Variants in ACSF3 observed in about 807,000 individuals in gnomAD.
ACSF3 encodes the protein acyl-CoA synthetase family member 3, also known as malonate--CoA ligase ACSF3, mitochondrial.
In ACSF3, 78 loss-of-function variants were observed where a neutral mutation model predicts 53.2. The ratio of observed to expected loss-of-function variants is 1.47; its 90% CI spans 1.22 to 1.77. The LOEUF (loss-of-function observed/expected upper bound fraction) is 1.77. Among genes scored for constraint, ACSF3 ranks in the 40% most tolerant of loss-of-function variants. ACSF3 has a pLI of 0.00. For synonymous variants in ACSF3, 414 were observed against 333.1 expected, an observed-to-expected ratio of 1.24 and a Z score of -2.65; for missense variants, 937 against 771.1, an observed-to-expected ratio of 1.22 and a Z score of -2.55.
chr16:89,123,640 TC>T (rs1319447761), intron 7 of ACSF3, among the ~76,000 whole-genome samples: 69 of 152,344 alleles, frequency 4.5e-4, no homozygotes, highest in African/African-American at 1.7e-3. Context: ...TCATGACTGT[TC>T]CTGGGCAGAT....
chr16:89,142,895 G>A (rs1216297074), intron 8 of ACSF3, among the ~76,000 whole-genome samples: 2 of 152,226 alleles, frequency 1.3e-5, no homozygotes, highest in African/African-American at 2.4e-5. Flanking sequence ...GGCCTCTCCT[G>A]TGAAGGGCAC....
At chr16:89,138,852 T>C (rs1315343694) in intron 8 of ACSF3, among the ~76,000 whole-genome samples, 1 of 152,272 alleles carries the variant, frequency 6.6e-6, no homozygotes, top group Non-Finnish European at 1.5e-5. Context: ...GGGCAGAGGC[T>C]GAGTGTTTTT....
intron 7 of ACSF3, among the ~76,000 whole-genome samples, chr16:89,127,939 G>A (rs1908477594): frequency 6.6e-6 from 1 of 152,084 alleles, no homozygotes. Flanking sequence ...CCTCATGTTG[G>A]TAATTTGTGT....
At position 89,154,325 on chromosome 16, in the gene ACSF3, T is replaced by C; in HGVS notation, c.*118T>C. ...TTAAACCTGAACCCCCCAAATCAGG[T>C]CACGTAGAATCAAGAACTGTTTGGG... On this transcript the variant is annotated 3_prime_UTR_variant, in exon 11 of 11. Coordinates refer to ENST00000614302, the MANE Select transcript of ACSF3 (RefSeq NM_001243279.3). The C allele has an allele frequency of 2.2e-6, 2 of 922,554 alleles. No individual in the cohort carries two copies. Among genetic ancestry groups the C allele is most frequent in the South Asian group, 2.8e-5 (2 of 72,094 alleles). 57.1% of individuals were successfully genotyped at this position (922,554 alleles called of 1,614,324 possible). A position where few individuals can be genotyped will look rare whatever the true frequency, so the allele number is the denominator to read the frequency against.
At chr16:89,135,672 G>A (rs1328225834) in intron 8 of ACSF3, among the ~76,000 whole-genome samples, 1 of 152,250 alleles carries the variant, frequency 6.6e-6, no homozygotes, top group East Asian at 1.9e-4. Flanking sequence ...TTCAAATGCA[G>A]AATTACAGGA....
chr16:89,100,477 C>A, intron 2 of ACSF3, 185 bp from the exon 3 acceptor site: 1 of 613,546 alleles, frequency 1.6e-6, no homozygotes, highest in South Asian at 2.0e-5. Flanking sequence ...ATGCTGGGCA[C>A]GTACGGAACG....
chr16:89,114,053 G>A, intron 5 of ACSF3: 3 of 466,214 alleles, frequency 6.4e-6, no homozygotes. Flanking sequence ...GGACACCGCG[G>A]ACCCTAAGCA....
In ACSF3 at chr16:89,120,695, G is replaced by A. The variant is rs571275357; in HGVS notation, c.1127-106G>A. On this transcript the variant is annotated intron_variant, in intron 6 of 10. Transcript: ENST00000614302. Reference sequence around the variant, plus strand: ...CGTCGCTCCCTCCACACAGACTCCCGCACGTGGCACACGGGAGCTCAGCGG... The same window carrying A: ...CGTCGCTCCCTCCACACAGACTCCCACACGTGGCACACGGGAGCTCAGCGG... 166 of 1,084,996 alleles carry A rather than the reference G, an allele frequency of 1.5e-4. No individual in the cohort carries two copies. In the African/African-American group the frequency reaches 2.1e-3, roughly 14 times the overall value. The allele number at this position is 1,084,996 out of a possible 1,614,324, so 67.2% of individuals were successfully genotyped here. A position where few individuals can be genotyped will look rare whatever the true frequency, so the allele number is the denominator to read the frequency against.
At chr16:89,102,882 G>A (rs544219062) in intron 4 of ACSF3, 123 bp downstream of exon 4, 19 of 1,389,184 alleles carry the variant, frequency 1.4e-5, no homozygotes, top group African/African-American at 5.7e-5. Flanking sequence ...CAGGGCTCTC[G>A]GCCGCGCCCT....
chr16:89,127,714 T>C lies in ACSF3; in HGVS notation c.1240-5422T>C, dbSNP rs915043766. On this transcript the variant is annotated intron_variant, in intron 7 of 10. Coordinates refer to ENST00000614302, the MANE Select transcript of ACSF3 (RefSeq NM_001243279.3). ...AGAACTATGAATTCAATTTCTTTAG[T>C]GCTTATAGGACTGTTCAGGTCATCT... Among the ~76,000 whole-genome samples, 4 of 152,180 alleles carry C rather than the reference T, an allele frequency of 2.6e-5. 1 individual carries two copies. In the South Asian group the frequency reaches 6.2e-4, roughly 24 times the overall value.
chr16:89,143,019 G>A (rs903462185), intron 8 of ACSF3, among the ~76,000 whole-genome samples: 3 of 152,012 alleles, frequency 2.0e-5, no homozygotes, highest in Non-Finnish European at 2.9e-5. Context: ...GAGCCCACTC[G>A]GGGCTGGTGC....
intron 10 of ACSF3, chr16:89,153,849 C>T (rs1914410148): frequency 1.8e-6 from 1 of 569,264 alleles, no homozygotes; most frequent in South Asian, 2.0e-5. Context: ...CCTGCACGCA[C>T]CATGGCTTCT....
chr16:89,152,558 A>C (rs1287521517), intron 10 of ACSF3: 2 of 152,336 alleles, frequency 1.3e-5, no homozygotes, highest in Non-Finnish European at 2.9e-5. Flanking sequence ...CGGCAAGCCG[A>C]GACTGCACCA....
intron 2 of ACSF3, among the ~76,000 whole-genome samples, chr16:89,100,232 C>T (rs768713089): frequency 1.1e-4 from 16 of 152,238 alleles, no homozygotes; most frequent in Non-Finnish European, 1.9e-4. Context: ...GCCCCGGGGG[C>T]GGGGTCTCCA....
At chr16:89,104,286 A>G (rs1308503134) in intron 4 of ACSF3, among the ~76,000 whole-genome samples, 2 of 152,378 alleles carry the variant, frequency 1.3e-5, no homozygotes, top group Admixed American at 6.5e-5. Flanking sequence ...GGATCGTATC[A>G]TGATGGTTCT....
rs759061118 is a variant in ACSF3 at position 89,154,013 on chromosome 16, C to T, written c.1614-77C>T. ...CTGCAGGGTCCCAGGGGCACCTGTC[C>T]GTACTGCTGGGCGCCTGAGTTCCTC... On this transcript the variant is annotated intron_variant, in intron 10 of 10. Coordinates refer to ENST00000614302, the MANE Select transcript of ACSF3 (RefSeq NM_001243279.3). 66 of 1,468,980 alleles carry T rather than the reference C, an allele frequency of 4.5e-5. No individual in the cohort carries two copies. The Middle Eastern group carries it at 1.1e-3, about 25-fold the overall frequency. The allele number at this position is 1,468,980 out of a possible 1,614,324, so 91.0% of individuals were successfully genotyped here. A position where few individuals can be genotyped will look rare whatever the true frequency, so the allele number is the denominator to read the frequency against.
intron 8 of ACSF3, among the ~76,000 whole-genome samples, chr16:89,139,126 G>T (rs1240035666): frequency 6.6e-6 from 1 of 152,194 alleles, no homozygotes; most frequent in East Asian, 1.9e-4. Context: ...TTGAGACTAT[G>T]GAGTCGCCGC....
intron 8 of ACSF3, among the ~76,000 whole-genome samples, chr16:89,143,260 G>A (rs920518494): frequency 6.6e-6 from 1 of 152,134 alleles, no homozygotes; most frequent in Non-Finnish European, 1.5e-5. Context: ...AGCCCCGTGA[G>A]TAACTGTGGT....
intron 10 of ACSF3, among the ~76,000 whole-genome samples, chr16:89,147,238 GGAGGA>G (rs1913169106): frequency 4.1e-5 from 4 of 98,274 alleles, no homozygotes; most frequent in Admixed American, 9.3e-5. Flanking sequence ...AGTGAGTGAG[GGAGGA>G]GGGAGGGGTC....
Sources: gnomAD v4.1 joint callset for allele counts (sites outside exome capture counted in the v4.1 genomes callset) on GRCh38, gnomAD v4.1.1 for gene constraint, MANE v1.5 for transcripts, NCBI Gene and HGNC (gene_info 2026-07-23, HGNC 2026-07-21) for gene names.